RAB3IP: variants seen among roughly 807,000 people sequenced by gnomAD.
RAB3IP encodes RAB3A interacting protein.
A neutral mutation model predicts 59.1 loss-of-function variants in RAB3IP; 36 were observed. The observed-to-expected ratio is 0.61, with a 90% CI of 0.47 to 0.80. The LOEUF is 0.80. Ranked by LOEUF, RAB3IP falls within the 30% of genes least tolerant of loss-of-function variation. The pLI, the probability that RAB3IP is intolerant of heterozygous loss-of-function variation, is 0.00. For missense variants in RAB3IP, 511 were observed against 536.0 expected (o/e 0.95, Z 0.46); for synonymous variants, 207 against 191.2 (o/e 1.08, Z -0.68).
chr12:69,802,774 C>T (rs914652392), intron 8 of RAB3IP, among the ~76,000 whole-genome samples: 2 of 152,172 alleles, frequency 1.3e-5, no homozygotes, highest in African/African-American at 2.4e-5. Flanking sequence ...TTCCCTGTTA[C>T]GCACGTTACG....
chr12:69,795,546 T>C (rs866098664), intron 6 of RAB3IP: 2 of 596,142 alleles, frequency 3.4e-6, no homozygotes, highest in East Asian at 5.5e-5. Flanking sequence ...GAGTACCTGC[T>C]GGAAACTTGG....
chr12:69,808,311 C>T (rs1231606013), intron 8 of RAB3IP, among the ~76,000 whole-genome samples: 1 of 152,112 alleles, frequency 6.6e-6, no homozygotes, highest in Non-Finnish European at 1.5e-5. Context: ...TTACTTCCAA[C>T]TATGTGGTCA....
At chr12:69,789,590 G>A (rs1876277797) in intron 4 of RAB3IP, among the ~76,000 whole-genome samples, 1 of 152,040 alleles carries the variant, frequency 6.6e-6, no homozygotes, top group Non-Finnish European at 1.5e-5. Context: ...CATTTTATGA[G>A]GCCAATATCA....
intron 3 of RAB3IP, among the ~76,000 whole-genome samples, chr12:69,759,577 C>T (rs547872878): frequency 1.3e-3 from 202 of 149,876 alleles, no homozygotes; most frequent in Non-Finnish European, 2.4e-3. Flanking sequence ...GAGGCGCCTC[C>T]GACCTCCCGG....
In RAB3IP at chr12:69,810,603, A is replaced by G. The variant is rs182169648; in HGVS notation, c.1131-2175A>G. 8.4e-4 allele frequency among the ~76,000 whole-genome samples: 128 copies of G among 152,252 alleles called. 1 individual carries two copies. Among genetic ancestry groups the G allele is most frequent in the African/African-American group, 2.7e-3 (113 of 41,542 alleles). On this transcript the variant is annotated intron_variant, in intron 8 of 10. Transcript: ENST00000247833. ...AATACATAACAACTGAAGGCCTAGA[A>G]ACAAATCAAAGTGCGTTCAAAGGAT...
At chr12:69,773,028 A>G (rs1873403161) in intron 3 of RAB3IP, among the ~76,000 whole-genome samples, 1 of 152,066 alleles carries the variant, frequency 6.6e-6, no homozygotes, top group African/African-American at 2.4e-5. Flanking sequence ...GAAACTTTTA[A>G]TCTTCATTTC....
At chr12:69,802,869 C>T (rs1878609793) in intron 8 of RAB3IP, among the ~76,000 whole-genome samples, 2 of 152,164 alleles carry the variant, frequency 1.3e-5, no homozygotes, top group South Asian at 2.1e-4. Context: ...GTGAGCCACA[C>T]GTCCACCTCG....
intron 3 of RAB3IP, among the ~76,000 whole-genome samples, chr12:69,775,814 C>T (rs1440641947): frequency 1.9e-5 from 1 of 52,008 alleles, no homozygotes; most frequent in Non-Finnish European, 3.7e-5. Context: ...ATTCGGTTTG[C>T]CAGTATTTTA....
chr12:69,752,072 A>G (rs1206577705), intron 1 of RAB3IP, among the ~76,000 whole-genome samples: 1 of 149,068 alleles, frequency 6.7e-6, no homozygotes, highest in African/African-American at 2.5e-5. Context: ...GGTATAATCA[A>G]AGCTTACTGT....
intron 8 of RAB3IP, among the ~76,000 whole-genome samples, chr12:69,806,192 C>G (rs934353715): frequency 1.3e-5 from 2 of 152,126 alleles, no homozygotes; most frequent in African/African-American, 4.8e-5. Context: ...TTGGTCTATT[C>G]AGAGATTCAA....
At chr12:69,780,820 TA>T (rs1401200339) in intron 3 of RAB3IP, among the ~76,000 whole-genome samples, 2 of 152,170 alleles carry the variant, frequency 1.3e-5, no homozygotes, top group Admixed American at 6.5e-5. Flanking sequence ...TTTTTTTTTT[TA>T]ATTAGTATTT....
At chr12:69,766,398 C>T (rs1872202131) in intron 3 of RAB3IP, among the ~76,000 whole-genome samples, 3 of 152,020 alleles carry the variant, frequency 2.0e-5, no homozygotes, top group Admixed American at 2.0e-4. Flanking sequence ...ATTCCAAAGA[C>T]CATTTTTCAA....
At chr12:69,803,287 C>T (rs905479014) in intron 8 of RAB3IP, among the ~76,000 whole-genome samples, 2 of 151,840 alleles carry the variant, frequency 1.3e-5, no homozygotes, top group Non-Finnish European at 2.9e-5. Context: ...TGATGCATAT[C>T]GTGGAAAAAA....
intron 3 of RAB3IP, among the ~76,000 whole-genome samples, chr12:69,762,944 A>C (rs560159137): frequency 1.3e-5 from 2 of 152,224 alleles, no homozygotes; most frequent in African/African-American, 4.8e-5. Context: ...AAACATTAAC[A>C]AATATTTTTT....
At chr12:69,806,886 G>A (rs1057118590) in intron 8 of RAB3IP, among the ~76,000 whole-genome samples, 3 of 152,100 alleles carry the variant, frequency 2.0e-5, no homozygotes, top group Admixed American at 6.5e-5. Flanking sequence ...CAGAGAGCAC[G>A]GGGTTGGGGG....
rs146110691 is a variant in RAB3IP at position 69,764,284 on chromosome 12, A to C, written c.510+7621A>C. The stretch of plus-strand genomic sequence containing the variant: ...GATTCTTATGGCAAAGATTTCTTAC[A>C]TTGAAATCTTTAATCTATCTTAATT... On this transcript the variant is annotated intron_variant, in intron 3 of 10. Transcript: ENST00000247833. Among the ~76,000 whole-genome samples, 684 of 152,244 alleles carry C rather than the reference A, an allele frequency of 4.5e-3. 3 individuals carry two copies. Among genetic ancestry groups the C allele is most frequent in the Non-Finnish European group, 7.9e-3 (540 of 68,000 alleles).
Position 69,815,671 on chromosome 12 carries a change from A to C in RAB3IP, c.*225A>C. 1 of 322,840 alleles carries C rather than the reference A, an allele frequency of 3.1e-6. No homozygotes were observed. Among genetic ancestry groups the C allele is most frequent in the Non-Finnish European group, 5.6e-6 (1 of 178,286 alleles). 20.0% of individuals were successfully genotyped at this position (322,840 alleles called of 1,614,324 possible). ...GAATTCCAGGTGTACTAGTGAATGT[A>C]ATTTATAGTTGCCAAAAAAAAAAAA... On this transcript the variant is annotated 3_prime_UTR_variant, in exon 11 of 11. Coordinates refer to ENST00000247833, the MANE Select transcript of RAB3IP (RefSeq NM_022456.5).
intron 4 of RAB3IP, among the ~76,000 whole-genome samples, chr12:69,791,560 G>A (rs1415339678): frequency 6.6e-6 from 1 of 152,136 alleles, no homozygotes; most frequent in African/African-American, 2.4e-5. Context: ...ACCGGTATAT[G>A]ATAAGATACC....
intron 4 of RAB3IP, among the ~76,000 whole-genome samples, chr12:69,790,555 T>C (rs1876439444): frequency 1.3e-5 from 2 of 152,216 alleles, no homozygotes; most frequent in African/African-American, 4.8e-5. Context: ...GAAGTTCATA[T>C]GGAGCTACAA....
Sources: gnomAD v4.1 joint callset for allele counts (sites outside exome capture counted in the v4.1 genomes callset) on GRCh38, gnomAD v4.1.1 for gene constraint, MANE v1.5 for transcripts, NCBI Gene and HGNC (gene_info 2026-07-23, HGNC 2026-07-21) for gene names.